The following KANSL1L variants were observed in gnomAD, a reference collection of about 807,000 sequenced individuals.
KANSL1L encodes KAT8 regulatory NSL complex subunit 1-like protein.
In KANSL1L, 25 loss-of-function variants were observed where a neutral mutation model predicts 108.6. That is an observed-to-expected ratio of 0.23 (90% confidence interval 0.17 to 0.32). KANSL1L has a LOEUF of 0.32. Ranked by LOEUF, KANSL1L falls within the 10% of genes least tolerant of loss-of-function variation. KANSL1L has a pLI of 1.00. For missense variants in KANSL1L, 1,137 were observed against 1,125.7 expected (o/e 1.01, Z -0.14); for synonymous variants, 405 against 395.1 (o/e 1.03, Z -0.30).
intron 10 of KANSL1L, chr2:210,029,295 G>A (rs1363577109): frequency 4.7e-6 from 1 of 212,358 alleles, no homozygotes; most frequent in Non-Finnish European, 9.2e-6. Flanking sequence ...AAATGTCAAT[G>A]AAAATGATCA....
chr2:210,163,539 G>C (rs978073435), intron 1 of KANSL1L, among the ~76,000 whole-genome samples: 2 of 151,996 alleles, frequency 1.3e-5, no homozygotes, highest in Non-Finnish European at 2.9e-5. Flanking sequence ...ATTACAAATG[G>C]TGTAACATAT....
chr2:210,154,707 A>G, intron 1 of KANSL1L, 96 bp from the exon 2 acceptor site: 1 of 603,010 alleles, frequency 1.7e-6, no homozygotes. Context: ...TTCTGATTAG[A>G]ACATGAAGGA....
intron 8 of KANSL1L, chr2:210,035,322 C>T (rs1489208885): frequency 2.0e-5 from 3 of 152,210 alleles, no homozygotes; most frequent in African/African-American, 7.2e-5. Flanking sequence ...TTTCAACCCA[C>T]TACAGTTTGG....
In KANSL1L at chr2:210,115,548, C is replaced by T. The variant is rs185482667; in HGVS notation, c.1231-11247G>A. Among the ~76,000 whole-genome samples the T allele has an allele frequency of 1.2e-4, 19 of 152,218 alleles. No individual in the cohort carries two copies. The East Asian group carries it at 1.9e-3, about 15-fold the overall frequency. ...TAATTAAAGACATAACCCACTGAGA[C>T]GCCAAAACTCTCTAACCTTGTGAGA... On this transcript the variant is annotated intron_variant, in intron 3 of 14. Transcript: ENST00000281772.
In KANSL1L at chr2:210,022,657, A is replaced by T; in HGVS notation, c.*292T>A. The T allele has an allele frequency of 2.8e-6, 1 of 361,990 alleles. No individual in the cohort carries two copies. Among genetic ancestry groups the T allele is most frequent in the Non-Finnish European group, 5.1e-6 (1 of 194,428 alleles). 22.4% of individuals were successfully genotyped at this position (361,990 alleles called of 1,614,324 possible). On this transcript the variant is annotated 3_prime_UTR_variant, in exon 15 of 15. Coordinates refer to ENST00000281772, the MANE Select transcript of KANSL1L (RefSeq NM_152519.4). ...GTATGGTGTGGGTACATAGTCTTAA[A>T]AATTACCCAGTAATGTGATTTGACA...
At chr2:210,026,207 T>C (rs2093934835) in intron 12 of KANSL1L, among the ~76,000 whole-genome samples, 3 of 152,160 alleles carry the variant, frequency 2.0e-5, no homozygotes, top group South Asian at 4.1e-4. Flanking sequence ...ATTTTAGTAG[T>C]TGAAAAACAT....
At chr2:210,171,575 G>A (rs1185803299), upstream of KANSL1L, 1 of 152,508 alleles carries the variant, frequency 6.6e-6, no homozygotes, top group Admixed American at 6.5e-5. Flanking sequence ...CTCTGGTGCA[G>A]GGTTTACCTC....
chr2:210,113,186 G>A (rs1206093613), intron 3 of KANSL1L, among the ~76,000 whole-genome samples: 2 of 151,848 alleles, frequency 1.3e-5, no homozygotes, highest in Non-Finnish European at 2.9e-5. Flanking sequence ...GCCTTCCTGG[G>A]GATTTAAAGG....
chr2:210,075,785 G>A, intron 5 of KANSL1L, 29 bp from the exon 6 acceptor site: 2 of 1,523,706 alleles, frequency 1.3e-6, no homozygotes, highest in Non-Finnish European at 1.8e-6. Context: ...ATTAGGGCGT[G>A]GGAAGGGAAT....
intron 3 of KANSL1L, among the ~76,000 whole-genome samples, chr2:210,114,258 T>A (rs2094934052): frequency 6.6e-6 from 1 of 151,996 alleles, no homozygotes; most frequent in African/African-American, 2.4e-5. Flanking sequence ...CCAAAGGCAG[T>A]TAGGTCAACA....
At chr2:210,142,243 T>C (rs1016552352) in intron 2 of KANSL1L, among the ~76,000 whole-genome samples, 1 of 152,068 alleles carries the variant, frequency 6.6e-6, no homozygotes, top group Non-Finnish European at 1.5e-5. Context: ...ATTCTATGTG[T>C]CTAGGAATTT....
chr2:210,110,282 G>A (rs1257993239), intron 3 of KANSL1L, among the ~76,000 whole-genome samples: 1 of 152,156 alleles, frequency 6.6e-6, no homozygotes, highest in African/African-American at 2.4e-5. Context: ...CAGCTCAAAG[G>A]TTTTGCAGAG....
intron 7 of KANSL1L, 129 bp from the exon 8 acceptor site, chr2:210,040,656 T>A: frequency 2.1e-6 from 1 of 485,690 alleles, no homozygotes; most frequent in Non-Finnish European, 3.7e-6. Flanking sequence ...AGCAAAAGTT[T>A]GAGATGTAAC....
intron 2 of KANSL1L, among the ~76,000 whole-genome samples, chr2:210,137,204 C>A (rs2095181556): frequency 2.0e-5 from 3 of 152,122 alleles, no homozygotes; most frequent in Admixed American, 2.0e-4. Context: ...TTAACACAAG[C>A]AAAATATCTT....
At chr2:210,079,656 A>ATG (rs2094571801) in intron 5 of KANSL1L, 1 of 18,086 alleles carries the variant, frequency 5.5e-5, no homozygotes, top group African/African-American at 1.5e-4. Flanking sequence ...ATATATATAT[A>ATG]TATATATATG....
intron 3 of KANSL1L, among the ~76,000 whole-genome samples, chr2:210,115,535 T>C (rs576434476): frequency 6.6e-6 from 1 of 152,238 alleles, no homozygotes; most frequent in East Asian, 1.9e-4. Context: ...ATTAAAGACA[T>C]AACCCACTGA....
Position 210,023,044 on chromosome 2 carries a change from G to A in KANSL1L, c.2869C>T (p.Pro957Ser), listed in dbSNP as rs1221469853. 1 of 1,613,592 alleles carries A rather than the reference G, an allele frequency of 6.2e-7. No homozygotes were observed. The highest frequency in any genetic ancestry group is 1.7e-5 in the Admixed American group (1 of 59,980). Residue 957 changes from proline to serine, a missense_variant, in exon 15 of 15, where the codon CCA becomes TCA. Physicochemically the swap from Pro to Ser is moderately conservative, Grantham distance 74 (BLOSUM62 -1). Around this residue, in one of 3 missense-constraint regions of KANSL1L, gnomAD observed 575 missense variants for 567.1 expected, o/e 1.01. Transcript: ENST00000281772. Reference protein sequence around the residue: ...FHGEIFGTSVPENGHHPKKQS... With the variant: ...FHGEIFGTSVSENGHHPKKQS... ...TTTTTTGGATGGTGGCCATTCTCTG[G>A]TACACTGGTACCGAAGATTTCACCA... is the stretch of plus-strand genomic sequence containing the variant.
chr2:210,142,282 G>T (rs1469732725), intron 2 of KANSL1L, among the ~76,000 whole-genome samples: 1 of 151,816 alleles, frequency 6.6e-6, no homozygotes, highest in African/African-American at 2.4e-5. Flanking sequence ...CAATTTGTTG[G>T]CATAGAGATG....
intron 1 of KANSL1L, among the ~76,000 whole-genome samples, chr2:210,155,569 G>A (rs1262313694): frequency 2.6e-5 from 4 of 152,112 alleles, no homozygotes. Context: ...ATCAGAATAT[G>A]CATTTACTCC....
Sources: allele counts gnomAD v4.1 joint callset (sites outside exome capture counted in the v4.1 genomes callset), GRCh38; gene constraint gnomAD v4.1.1; regional missense constraint gnomAD v4.1.1; transcripts MANE v1.5; gene names NCBI Gene and HGNC (gene_info 2026-07-23, HGNC 2026-07-21).